ZNF276: variants seen among roughly 807,000 people sequenced by gnomAD.
ZNF276 encodes the protein zinc finger protein 276, also known as centromere protein Z.
A neutral mutation model predicts 63.9 loss-of-function variants in ZNF276; 59 were observed. The observed-to-expected ratio is 0.92, with a 90% confidence interval of 0.75 to 1.15. The LOEUF (loss-of-function observed/expected upper bound fraction) is 1.15, where lower values mean the gene tolerates loss of function less well. Ranked by LOEUF, ZNF276 falls within the 50% of genes most tolerant of loss-of-function variation. The probability of loss-of-function intolerance (pLI) is 0.00; values close to 1 mark genes in which losing one functional copy is unlikely to be tolerated. For synonymous variants in ZNF276, 496 were observed against 348.4 expected (o/e 1.42, Z -4.72); for missense variants, 1,084 against 843.8 (o/e 1.28, Z -3.53).
Position 89,728,096 on chromosome 16 carries a change from G to T in ZNF276, c.1085+739G>T, listed in dbSNP as rs572125570. 2.0e-5 allele frequency among the ~76,000 whole-genome samples: 3 copies of T among 152,262 alleles called. No homozygotes were observed. In the East Asian group the frequency reaches 5.8e-4, roughly 29 times the overall value. On this transcript the variant is annotated intron_variant, in intron 5 of 10. Coordinates refer to ENST00000443381, the MANE Select transcript of ZNF276 (RefSeq NM_001113525.2). ...GGCCAATCCCAGTGGGATGTGCAGT[G>T]ATGAAATCGGGCAGGTGCCAGGAGG...
Position 89,739,444 on chromosome 16 carries a change from G to A in ZNF276, c.*1198G>A, listed in dbSNP as rs1018933292. Reference sequence around the variant, plus strand: ...CTGAGATGGGGGTCTGGGAAACACTGCCCAGCCCTGACCAGCCCTGTGGGT... The same window carrying A: ...CTGAGATGGGGGTCTGGGAAACACTACCCAGCCCTGACCAGCCCTGTGGGT... On this transcript the variant is annotated 3_prime_UTR_variant, in exon 11 of 11. Coordinates refer to ENST00000443381, the MANE Select transcript of ZNF276 (RefSeq NM_001113525.2). 2.1e-5 allele frequency: 32 copies of A among 1,552,232 alleles called. No homozygotes were observed. The highest frequency in any genetic ancestry group is 4.1e-5 in the African/African-American group (3 of 73,218).
chr16:89,721,799 G>C lies in ZNF276; in HGVS notation c.159G>C (p.Pro53=), dbSNP rs2061288280. 1 of 1,254,656 alleles carries C rather than the reference G, an allele frequency of 8.0e-7. No individual in the cohort carries two copies. The highest frequency in any genetic ancestry group is 1.0e-6 in the Non-Finnish European group (1 of 1,000,490). The allele number at this position is 1,254,656 out of a possible 1,614,324, so 77.7% of individuals were successfully genotyped here. A position where few individuals can be genotyped will look rare whatever the true frequency, so the allele number is the denominator to read the frequency against. ...DGATARRAWG[P]VGSCGDAGED... is the part of the protein sequence containing the mutation. ...CGACGGCGCGGCGCGCCTGGGGCCC[G>C]GTGGGGTCCTGCGGGGACGCGGGCG... Residue 53 remains proline (P), a synonymous_variant, in exon 1 of 11, where the codon CCG becomes CCC. Coordinates refer to ENST00000443381, the MANE Select transcript of ZNF276 (RefSeq NM_001113525.2).
At position 89,738,175 on chromosome 16, in the gene ZNF276, G is replaced by C. The variant is rs1343094704; in HGVS notation, c.1774G>C (p.Glu592Gln). Residue 592 changes from glutamate (E) to glutamine (Q), a missense_variant, in exon 11 of 11, where the codon GAA becomes CAA. Physicochemically the swap from Glu to Gln is conservative, Grantham distance 29 (BLOSUM62 2). Transcript: ENST00000443381. Reference protein sequence around the residue: ...TQDKALPLEAEPPPGPPSPSV... With the variant: ...TQDKALPLEAQPPPGPPSPSV... The stretch of plus-strand genomic sequence containing the variant: ...GGACAAGGCCCTGCCCCTGGAGGCG[G>C]AACCACCACCTGGGCCACCGAGCCC... 6.2e-7 allele frequency: 1 copy of C among 1,612,736 alleles called. No individual in the cohort carries two copies. Among genetic ancestry groups the C allele is most frequent in the Admixed American group, 1.7e-5 (1 of 59,926 alleles).
chr16:89,728,635 C>T (rs915640515), intron 5 of ZNF276, among the ~76,000 whole-genome samples: 1 of 152,274 alleles, frequency 6.6e-6, no homozygotes, highest in South Asian at 2.1e-4. Flanking sequence ...ATCTCCTGAC[C>T]TCGTGATCCG....
At chr16:89,722,856 G>C (rs1461154728) in intron 2 of ZNF276, 22 bp downstream of exon 2, 4 of 1,592,120 alleles carry the variant, frequency 2.5e-6, no homozygotes, top group South Asian at 1.1e-5. Flanking sequence ...TCTGTTCAGA[G>C]CACGTTCAGG....
At position 89,739,033 on chromosome 16, in the gene ZNF276, G is replaced by C; in HGVS notation, c.*787G>C. The C allele has an allele frequency of 1.2e-6, 2 of 1,614,054 alleles. No individual in the cohort carries two copies. The highest frequency in any genetic ancestry group is 2.2e-5 in the South Asian group (2 of 91,066). ...AGACATACAGAAACAGGGCTGGTGT[G>C]TCCCCCATAGTCTGCATGCTGTGCC... On this transcript the variant is annotated 3_prime_UTR_variant, in exon 11 of 11. Transcript: ENST00000443381.
Position 89,723,621 on chromosome 16 carries a change from T to C in ZNF276, c.918T>C (p.Asp306=). ...AGACCAAGACCCTGCCCAGCACGGA[T>C]GTGGCCCAGCCTCCTTCGGACAGCG... The part of the protein sequence containing the change: ...GAETKTLPST[D]VAQPPSDSDA... The change falls in exon 4 of 11, where the codon GAT becomes GAC. Residue 306 remains aspartate (D), a synonymous_variant. Transcript: ENST00000443381. 3 of 1,612,722 alleles carry C rather than the reference T, an allele frequency of 1.9e-6. No homozygotes were observed. Among genetic ancestry groups the C allele is most frequent in the Non-Finnish European group, 2.5e-6 (3 of 1,179,994 alleles).
Position 89,739,893 on chromosome 16 carries a change from C to A in ZNF276, c.*1647C>A. The A allele has an allele frequency of 6.4e-7, 1 of 1,570,920 alleles. No individual in the cohort carries two copies. ...AACTAAAATGGAGCTTATAAACTTA[C>A]TTAGCAAGGAACCTCAAGGAGGGCT... On this transcript the variant is annotated 3_prime_UTR_variant, in exon 11 of 11. Transcript: ENST00000443381.
At chr16:89,720,718 A>T, upstream of ZNF276, 1 of 1,403,022 alleles carries the variant, frequency 7.1e-7, no homozygotes, top group Non-Finnish European at 9.3e-7. Flanking sequence ...GGGTCCCTCC[A>T]GGGGCCACCC....
rs3039799 is a variant in ZNF276 at position 89,736,795 on chromosome 16, C to CAAAAAAAAAA, written c.1475-1001_1475-992dup. ...GGGCAACAGAGCAAGACCCTGTCTC[C>CAAAAAAAAAA]AAAAAAAAAAAAAAAAAAAGAATCC... On this transcript the variant is annotated intron_variant, in intron 9 of 10. Transcript: ENST00000443381. Among the ~76,000 whole-genome samples, 68 of 72,470 alleles carry CAAAAAAAAAA rather than the reference C, an allele frequency of 9.4e-4. 2 individuals are homozygous for CAAAAAAAAAA. The East Asian group carries it at 0.013, about 14-fold the overall frequency. The allele number at this position is 72,470 out of a possible 152,430, so 47.5% of individuals were successfully genotyped here.
At chr16:89,732,493 G>A (rs990896101) in intron 6 of ZNF276, 1 of 153,482 alleles carries the variant, frequency 6.5e-6, no homozygotes, top group African/African-American at 2.4e-5. Flanking sequence ...CTAGCGTAAG[G>A]TCGTTTTGAT....
chr16:89,730,255 C>G (rs2061602449), intron 6 of ZNF276, among the ~76,000 whole-genome samples: 1 of 152,162 alleles, frequency 6.6e-6, no homozygotes, highest in Non-Finnish European at 1.5e-5. Context: ...GAAAAGGTGC[C>G]CGGGGGTCCC....
chr16:89,723,037 G>GGTC (rs1291114166), intron 2 of ZNF276, 100 bp from the exon 3 acceptor site: 1 of 1,607,110 alleles, frequency 6.2e-7, no homozygotes, highest in Non-Finnish European at 8.5e-7. Flanking sequence ...AGTTGCCTAT[G>GGTC]GGGACCGCTG....
In ZNF276 at chr16:89,739,526, C is replaced by T. The variant is rs374649848; in HGVS notation, c.*1280C>T. ...CCTGGTGTGCTGATCCGGGGCCACA[C>T]GGAGGAGGAGCCGCCCCAGCCTGAG... On this transcript the variant is annotated 3_prime_UTR_variant, in exon 11 of 11. Coordinates refer to ENST00000443381, the MANE Select transcript of ZNF276 (RefSeq NM_001113525.2). 40 of 1,551,202 alleles carry T rather than the reference C, an allele frequency of 2.6e-5. No individual in the cohort carries two copies. In the African/African-American group the frequency reaches 2.6e-4, roughly 10 times the overall value.
chr16:89,728,094 G>C (rs1470059140), intron 5 of ZNF276, among the ~76,000 whole-genome samples: 1 of 152,190 alleles, frequency 6.6e-6, no homozygotes, highest in Non-Finnish European at 1.5e-5. Context: ...GGGATGTGCA[G>C]TGATGAAATC....
rs1391315582 is a variant in ZNF276 at position 89,723,424 on chromosome 16, A to G, written c.721A>G (p.Thr241Ala). ...VWGCDQGHDY[T>A]MDTSSSCKAF... is the part of the protein sequence containing the mutation. ...GGGCTGCGACCAGGGCCACGACTAC[A>G]CCATGGATACCAGCTCCAGCTGCAA... Residue 241 changes from threonine to alanine, a missense_variant, in exon 4 of 11, where the codon ACC becomes GCC. Coordinates refer to ENST00000443381, the MANE Select transcript of ZNF276 (RefSeq NM_001113525.2). The G allele has an allele frequency of 6.2e-7, 1 of 1,613,038 alleles. No individual in the cohort carries two copies. Among genetic ancestry groups the G allele is most frequent in the South Asian group, 1.1e-5 (1 of 91,084 alleles).
chr16:89,733,118 C>T, intron 6 of ZNF276, 184 bp from the exon 7 acceptor site: 2 of 630,242 alleles, frequency 3.2e-6, no homozygotes, highest in Non-Finnish European at 5.6e-6. Flanking sequence ...GCTGTGCTCG[C>T]CCCTGAGGCC....
chr16:89,739,512 G>A lies in ZNF276; in HGVS notation c.*1266G>A. The A allele has an allele frequency of 6.4e-7, 1 of 1,551,410 alleles. No homozygotes were observed. The highest frequency in any genetic ancestry group is 8.7e-7 in the Non-Finnish European group (1 of 1,147,142). ...GCGAAAGGCAGCAGCCTGGTGTGCT[G>A]ATCCGGGGCCACACGGAGGAGGAGC... On this transcript the variant is annotated 3_prime_UTR_variant, in exon 11 of 11. Transcript: ENST00000443381.
At position 89,738,927 on chromosome 16, in the gene ZNF276, C is replaced by G. The variant is rs769835904; in HGVS notation, c.*681C>G. The G allele has an allele frequency of 1.9e-6, 3 of 1,614,278 alleles. No individual in the cohort carries two copies. Among genetic ancestry groups the G allele is most frequent in the Non-Finnish European group, 2.5e-6 (3 of 1,180,056 alleles). ...TCTTTTTCGGGCACCGAGGTATTAA[C>G]TGCAGCAGAAAAAGACGAGCTTTTG... On this transcript the variant is annotated 3_prime_UTR_variant, in exon 11 of 11. Transcript: ENST00000443381.
Sources: gnomAD v4.1 joint callset for allele counts (sites outside exome capture counted in the v4.1 genomes callset) on GRCh38, gnomAD v4.1.1 for gene constraint, MANE v1.5 for transcripts, NCBI Gene and HGNC (gene_info 2026-07-23, HGNC 2026-07-21) for gene names.